Variants in RBFOX2 observed in about 807,000 individuals in gnomAD.
RBFOX2 encodes RNA binding fox-1 homolog 2.
A neutral mutation model predicts 49.1 loss-of-function variants in RBFOX2; 10 were observed. The ratio of observed to expected loss-of-function variants is 0.20; its 90% CI spans 0.13 to 0.35. The LOEUF (loss-of-function observed/expected upper bound fraction) is 0.35, where lower values mean the gene tolerates loss of function less well. RBFOX2 is among the 10% of genes least tolerant of loss of function. The pLI is 1.00. For synonymous variants in RBFOX2, 183 were observed against 187.4 expected, an observed-to-expected ratio of 0.98 and a Z score of 0.19; for missense variants, 323 against 486.9, an observed-to-expected ratio of 0.66 and a Z score of 3.17.
chr22:35,753,491 T>C lies in RBFOX2; in HGVS notation c.887+6397A>G, dbSNP rs543186617. ...TTTTTTTCTCTAAGTAACTCTGCTT[T>C]AAGATAAGAACTAAGAAATAATAAC... On this transcript the variant is annotated intron_variant, in intron 9 of 11. Transcript: ENST00000405409. 2.0e-5 allele frequency among the ~76,000 whole-genome samples: 3 copies of C among 152,288 alleles called. No individual in the cohort carries two copies. In the East Asian group the frequency reaches 5.8e-4, roughly 29 times the overall value.
intron 1 of RBFOX2, among the ~76,000 whole-genome samples, chr22:35,863,916 A>C (rs911726971): frequency 4.4e-4 from 67 of 152,186 alleles, no homozygotes; most frequent in African/African-American, 1.5e-3. Context: ...CAAAGCATGC[A>C]TATATACAAT....
At chr22:35,781,776 T>C (rs1183199310) in intron 2 of RBFOX2, 30 bp from the exon 4 acceptor site, 2 of 1,613,280 alleles carry the variant, frequency 1.2e-6, no homozygotes, top group Admixed American at 1.7e-5. Context: ...ATGAAAAATA[T>C]ACACAATTAC....
intron 1 of RBFOX2, among the ~76,000 whole-genome samples, chr22:36,011,935 C>T (rs893842143): frequency 3.9e-5 from 6 of 152,162 alleles, no homozygotes; most frequent in African/African-American, 1.4e-4. Flanking sequence ...AATGAGTATA[C>T]TGACTATTTT....
At chr22:35,849,309 ACACACAC>A (rs1336740188) in intron 1 of RBFOX2, among the ~76,000 whole-genome samples, 1 of 150,578 alleles carries the variant, frequency 6.6e-6, no homozygotes, top group African/African-American at 2.4e-5. Flanking sequence ...ACACACACAC[ACACACAC>A]ACACACACAC....
At chr22:35,912,553 C>T (rs1285254382) in intron 1 of RBFOX2, among the ~76,000 whole-genome samples, 1 of 152,196 alleles carries the variant, frequency 6.6e-6, no homozygotes, top group Admixed American at 6.5e-5. Flanking sequence ...AGCATTTTCA[C>T]TTAAAACAAG....
intron 1 of RBFOX2, among the ~76,000 whole-genome samples, chr22:35,950,182 T>G (rs1400257002): frequency 6.6e-6 from 1 of 151,946 alleles, no homozygotes; most frequent in Non-Finnish European, 1.5e-5. Context: ...TTTGCCATCT[T>G]CTTCCTGTTT....
At chr22:36,001,827 G>A (rs1382190041) in intron 1 of RBFOX2, among the ~76,000 whole-genome samples, 1 of 151,980 alleles carries the variant, frequency 6.6e-6, no homozygotes, top group Non-Finnish European at 1.5e-5. Flanking sequence ...ACTTTGAGAG[G>A]CCAAGGCGGG....
At chr22:35,743,176 T>C (rs1338741178) in exon 12 of RBFOX2, 3 of 152,300 alleles carry the variant, frequency 2.0e-5, no homozygotes, top group Non-Finnish European at 2.9e-5. Flanking sequence ...AAATACCAGA[T>C]CTTCTAATAT....
At chr22:35,853,479 A>G (rs551713578) in intron 1 of RBFOX2, among the ~76,000 whole-genome samples, 1 of 152,248 alleles carries the variant, frequency 6.6e-6, no homozygotes, top group East Asian at 1.9e-4. Flanking sequence ...GAAAAAACTA[A>G]AAAATTTATT....
At chr22:35,835,834 G>A (rs918201719) in intron 1 of RBFOX2, among the ~76,000 whole-genome samples, 1 of 152,068 alleles carries the variant, frequency 6.6e-6, no homozygotes, top group African/African-American at 2.4e-5. Flanking sequence ...TTTTAGAAAA[G>A]CAATACTTTT....
At chr22:35,899,123 A>G (rs925394446) in intron 1 of RBFOX2, among the ~76,000 whole-genome samples, 1 of 12,990 alleles carries the variant, frequency 7.7e-5, no homozygotes, top group Non-Finnish European at 1.5e-4. Context: ...TGTCTCAAAA[A>G]TAACATAACA....
intron 1 of RBFOX2, among the ~76,000 whole-genome samples, chr22:35,874,172 G>A (rs1214808701): frequency 6.6e-6 from 1 of 152,178 alleles, no homozygotes; most frequent in Non-Finnish European, 1.5e-5. Context: ...ACAATTCTAA[G>A]AAATAATGCT....
chr22:35,839,454 G>A (rs897557611), intron 1 of RBFOX2, among the ~76,000 whole-genome samples: 1 of 152,072 alleles, frequency 6.6e-6, no homozygotes, highest in African/African-American at 2.4e-5. Context: ...GTGGGAGTGG[G>A]AGAGAGAGAA....
At chr22:36,007,406 A>G (rs2058659893) in intron 1 of RBFOX2, among the ~76,000 whole-genome samples, 1 of 152,184 alleles carries the variant, frequency 6.6e-6, no homozygotes, top group African/African-American at 2.4e-5. Flanking sequence ...TGTGGTAAGC[A>G]GAATTGGCAT....
At chr22:35,864,308 C>A (rs1385175464) in intron 1 of RBFOX2, among the ~76,000 whole-genome samples, 1 of 152,066 alleles carries the variant, frequency 6.6e-6, no homozygotes, top group Non-Finnish European at 1.5e-5. Flanking sequence ...TTCATAGTAC[C>A]TACCAGGGTT....
At chr22:35,861,204 A>C (rs2043055018) in intron 1 of RBFOX2, among the ~76,000 whole-genome samples, 1 of 152,212 alleles carries the variant, frequency 6.6e-6, no homozygotes, top group African/African-American at 2.4e-5. Flanking sequence ...GTAAAAGATA[A>C]AACTGTAAAA....
chr22:35,805,284 C>T (rs1381937154), intron 2 of RBFOX2, among the ~76,000 whole-genome samples: 8 of 126,562 alleles, frequency 6.3e-5, no homozygotes, highest in Admixed American at 1.7e-4. Context: ...AGCGAGACTC[C>T]GTCTCAAAAA....
chr22:35,828,286 A>C (rs989565653), intron 1 of RBFOX2, among the ~76,000 whole-genome samples: 1 of 152,186 alleles, frequency 6.6e-6, no homozygotes, highest in African/African-American at 2.4e-5. Flanking sequence ...GAGATTCCAG[A>C]GTCAGGAAAC....
intron 1 of RBFOX2, among the ~76,000 whole-genome samples, chr22:35,829,714 A>G (rs1287370004): frequency 1.3e-5 from 2 of 152,190 alleles, no homozygotes; most frequent in African/African-American, 4.8e-5. Context: ...TCTTGAGTGG[A>G]AGGCAAAGCA....
Sources: allele counts gnomAD v4.1 joint callset (sites outside exome capture counted in the v4.1 genomes callset), GRCh38; gene constraint gnomAD v4.1.1; transcripts MANE v1.5; gene names NCBI Gene and HGNC (gene_info 2026-07-23, HGNC 2026-07-21).